RBFOX2: variants seen among roughly 807,000 people sequenced by gnomAD.
The protein encoded by RBFOX2 is RNA binding protein fox-1 homolog 2.
In RBFOX2, 10 loss-of-function variants were observed where a neutral mutation model predicts 49.1. That is an observed-to-expected ratio of 0.20 (90% CI 0.13 to 0.35). The LOEUF (loss-of-function observed/expected upper bound fraction) is 0.35, where lower values mean the gene tolerates loss of function less well. RBFOX2 is among the 10% of genes least tolerant of loss of function. RBFOX2 has a pLI of 1.00. For synonymous variants in RBFOX2, 183 were observed against 187.4 expected (o/e 0.98, Z 0.19); for missense variants, 323 against 486.9 (o/e 0.66, Z 3.17).
chr22:35,833,781 T>G (rs1009747923), intron 1 of RBFOX2, among the ~76,000 whole-genome samples: 2 of 152,210 alleles, frequency 1.3e-5, no homozygotes, highest in Non-Finnish European at 2.9e-5. Flanking sequence ...AACATGGACA[T>G]TAATAGTACT....
chr22:35,799,478 A>C (rs1949376201), intron 2 of RBFOX2, among the ~76,000 whole-genome samples: 1 of 152,218 alleles, frequency 6.6e-6, no homozygotes, highest in Admixed American at 6.5e-5. Flanking sequence ...TTAAAAATAA[A>C]AATTTCAGAT....
At chr22:35,747,272 T>A (rs556964771) in intron 9 of RBFOX2, 1 of 152,256 alleles carries the variant, frequency 6.6e-6, no homozygotes, top group African/African-American at 2.4e-5. Flanking sequence ...CTACATTTCA[T>A]ACTTGAGCAA....
chr22:35,983,019 G>A (rs1010991398), intron 1 of RBFOX2, among the ~76,000 whole-genome samples: 14 of 152,032 alleles, frequency 9.2e-5, no homozygotes, highest in African/African-American at 3.4e-4. Context: ...AGCAAACAAT[G>A]ACTGCACTAC....
intron 9 of RBFOX2, chr22:35,746,912 G>A (rs1053809369): frequency 6.7e-5 from 13 of 193,334 alleles, no homozygotes; most frequent in Non-Finnish European, 1.1e-4. Context: ...TTTACAGCAA[G>A]TTGGGAGCAC....
At chr22:35,976,337 C>A (rs549172211) in intron 1 of RBFOX2, among the ~76,000 whole-genome samples, 1 of 143,870 alleles carries the variant, frequency 7.0e-6, no homozygotes, top group Non-Finnish European at 1.5e-5. Context: ...ACCACCACCA[C>A]CCCCCCCTCT....
At chr22:35,787,006 C>T (rs915707668) in intron 2 of RBFOX2, among the ~76,000 whole-genome samples, 4 of 152,060 alleles carry the variant, frequency 2.6e-5, no homozygotes, top group Non-Finnish European at 2.9e-5. Context: ...GTAAGAGACA[C>T]GGAAGGCTAC....
At chr22:35,966,816 T>C (rs1029918236) in intron 1 of RBFOX2, among the ~76,000 whole-genome samples, 1 of 152,088 alleles carries the variant, frequency 6.6e-6, no homozygotes, top group African/African-American at 2.4e-5. Flanking sequence ...ATACATATAA[T>C]TTTTCCCCCT....
chr22:35,947,873 T>G (rs1330589890), intron 1 of RBFOX2, among the ~76,000 whole-genome samples: 1 of 152,024 alleles, frequency 6.6e-6, no homozygotes, highest in African/African-American at 2.4e-5. Flanking sequence ...GCAAATTTGT[T>G]GTTAAAGAAA....
At chr22:35,806,075 T>G (rs1950675655) in intron 2 of RBFOX2, among the ~76,000 whole-genome samples, 1 of 152,172 alleles carries the variant, frequency 6.6e-6, no homozygotes, top group Non-Finnish European at 1.5e-5. Context: ...TGCTATACAT[T>G]TATCCAAACC....
At chr22:35,850,664 C>G (rs766561927) in intron 1 of RBFOX2, among the ~76,000 whole-genome samples, 20 of 152,134 alleles carry the variant, frequency 1.3e-4, no homozygotes, top group Non-Finnish European at 2.4e-4. Context: ...CACATGTGCA[C>G]ACATATTTCT....
intron 2 of RBFOX2, among the ~76,000 whole-genome samples, chr22:35,799,903 G>A (rs1949468536): frequency 6.6e-6 from 1 of 152,082 alleles, no homozygotes; most frequent in African/African-American, 2.4e-5. Flanking sequence ...GCAATGAGCT[G>A]AGACCATGCC....
At chr22:35,940,007 C>T (rs868237034), upstream of RBFOX2, among the ~76,000 whole-genome samples, 1 of 152,202 alleles carries the variant, frequency 6.6e-6, no homozygotes, top group Non-Finnish European at 1.5e-5. Context: ...TTCTTCCATT[C>T]ACTGTACTTT....
At chr22:35,761,526 A>C (rs1938865758) in intron 6 of RBFOX2, 58 bp from the exon 8 acceptor site, 1 of 1,582,064 alleles carries the variant, frequency 6.3e-7, no homozygotes, top group East Asian at 2.2e-5. Flanking sequence ...AGGGATGATC[A>C]GTGCATGTCA....
upstream of RBFOX2, among the ~76,000 whole-genome samples, chr22:35,965,430 T>C (rs1373530017): frequency 6.6e-6 from 1 of 152,118 alleles, no homozygotes; most frequent in Non-Finnish European, 1.5e-5. Context: ...ATTATGGAGA[T>C]TTGTTCTCCT....
intron 1 of RBFOX2, among the ~76,000 whole-genome samples, chr22:35,862,826 C>T (rs1434951464): frequency 6.6e-6 from 1 of 152,194 alleles, no homozygotes; most frequent in East Asian, 1.9e-4. Context: ...TAGTACCTAT[C>T]TCATGGGGCT....
intron 1 of RBFOX2, among the ~76,000 whole-genome samples, chr22:35,907,544 CTCTT>C (rs985060158): frequency 3.3e-4 from 50 of 152,208 alleles, no homozygotes; most frequent in African/African-American, 1.2e-3. Flanking sequence ...ATGAATCTCT[CTCTT>C]GTTAAGATTC....
chr22:35,878,208 C>A (rs910481589), intron 1 of RBFOX2, among the ~76,000 whole-genome samples: 1 of 151,886 alleles, frequency 6.6e-6, no homozygotes, highest in African/African-American at 2.4e-5. Context: ...ACCAGCCTGG[C>A]GAACACGGTG....
At chr22:35,906,057 G>C (rs1473871244) in intron 1 of RBFOX2, among the ~76,000 whole-genome samples, 1 of 152,090 alleles carries the variant, frequency 6.6e-6, no homozygotes, top group Non-Finnish European at 1.5e-5. Flanking sequence ...TACATTCTAT[G>C]ATGTTTTCAC....
At chr22:35,914,074 T>C (rs1164827298) in intron 1 of RBFOX2, among the ~76,000 whole-genome samples, 1 of 152,120 alleles carries the variant, frequency 6.6e-6, no homozygotes, top group African/African-American at 2.4e-5. Flanking sequence ...TTAAAGAATA[T>C]CAGAGTGAAA....
Sources: allele counts gnomAD v4.1 joint callset (sites outside exome capture counted in the v4.1 genomes callset), GRCh38; gene constraint gnomAD v4.1.1; transcripts MANE v1.5; gene names NCBI Gene and HGNC (gene_info 2026-07-23, HGNC 2026-07-21).